ADARB2: variants seen among roughly 807,000 people sequenced by gnomAD.
The protein encoded by ADARB2 is inactive double-stranded RNA-specific editase B2.
In ADARB2, 25 loss-of-function variants were observed where a neutral mutation model predicts 62.2. The observed-to-expected ratio is 0.40, with a 90% CI of 0.29 to 0.56. The LOEUF is 0.56. ADARB2 is among the 20% of genes least tolerant of loss of function. The pLI, the probability that ADARB2 is intolerant of heterozygous loss-of-function variation, is 0.43. For synonymous variants in ADARB2, 572 were observed against 500.8 expected, an observed-to-expected ratio of 1.14 and a Z score of -1.90; for missense variants, 1,071 against 1,077.4, an observed-to-expected ratio of 0.99 and a Z score of 0.08.
chr10:1,597,574 T>G (rs992419012), intron 1 of ADARB2, among the ~76,000 whole-genome samples: 13 of 152,170 alleles, frequency 8.5e-5, no homozygotes, highest in African/African-American at 3.1e-4. Flanking sequence ...CAATGGGACA[T>G]CGTCTCACAC....
intron 1 of ADARB2, among the ~76,000 whole-genome samples, chr10:1,446,300 T>C (rs558955841): frequency 1.3e-5 from 1 of 79,720 alleles, no homozygotes; most frequent in Admixed American, 1.6e-4. Context: ...AAGAATTCTG[T>C]GAACTACCCA....
At chr10:1,636,546 TG>T (rs1023270222) in intron 1 of ADARB2, among the ~76,000 whole-genome samples, 6 of 151,798 alleles carry the variant, frequency 4.0e-5, no homozygotes, top group Non-Finnish European at 7.4e-5. Context: ...CTATGTAATG[TG>T]GGGGGAGGCT....
intron 1 of ADARB2, among the ~76,000 whole-genome samples, chr10:1,657,909 CTCTT>C (rs2119082023): frequency 6.6e-6 from 1 of 152,240 alleles, no homozygotes; most frequent in South Asian, 2.1e-4. Context: ...GTCTCTGTCT[CTCTT>C]TATCTGATTC....
intron 3 of ADARB2, among the ~76,000 whole-genome samples, chr10:1,280,019 T>C (rs1831356242): frequency 6.6e-6 from 1 of 152,082 alleles, no homozygotes; most frequent in African/African-American, 2.4e-5. Context: ...AAGAAGGATG[T>C]GAATTTGGGG....
In ADARB2 at chr10:1,222,671, G is replaced by C. The variant is rs1397956281; in HGVS notation, c.1514-5552C>G. Among the ~76,000 whole-genome samples, 3 of 149,224 alleles carry C rather than the reference G, an allele frequency of 2.0e-5. No homozygotes were observed. The East Asian group carries it at 5.8e-4, about 29-fold the overall frequency. On this transcript the variant is annotated intron_variant, in intron 6 of 9. Transcript: ENST00000381312. ...TTCCCAGCACCATTTATTAAATAGG[G>C]AATCCTTTCCCCATTGCTTGTTTTT...
At chr10:1,324,007 CAAAG>C (rs1420156693) in intron 3 of ADARB2, among the ~76,000 whole-genome samples, 4 of 152,186 alleles carry the variant, frequency 2.6e-5, no homozygotes, top group African/African-American at 9.7e-5. Flanking sequence ...ACTTGCCTGA[CAAAG>C]AACTAGTGTC....
chr10:1,599,198 C>T (rs549319428), intron 1 of ADARB2, among the ~76,000 whole-genome samples: 1 of 152,306 alleles, frequency 6.6e-6, no homozygotes, highest in South Asian at 2.1e-4. Flanking sequence ...CGTTGACTCG[C>T]TTGACAAAGA....
At chr10:1,589,487 A>C (rs573823591) in intron 1 of ADARB2, among the ~76,000 whole-genome samples, 17 of 151,666 alleles carry the variant, frequency 1.1e-4, no homozygotes, top group Non-Finnish European at 2.2e-4. Context: ...TGGGGCATCC[A>C]TGGTCAGGAC....
At chr10:1,203,886 G>C (rs1220878113) in intron 7 of ADARB2, among the ~76,000 whole-genome samples, 1 of 152,140 alleles carries the variant, frequency 6.6e-6, no homozygotes, top group Non-Finnish European at 1.5e-5. Context: ...TAGAAATGCA[G>C]ATTCCTGGCT....
chr10:1,427,285 T>TA lies in ADARB2; in HGVS notation c.101-48126_101-48125insT, dbSNP rs34676272. Among the ~76,000 whole-genome samples, 419 of 152,350 alleles carry TA rather than the reference T, an allele frequency of 2.8e-3. 1 individual carries two copies. The highest frequency in any genetic ancestry group is 4.8e-3 in the Non-Finnish European group (329 of 68,046). On this transcript the variant is annotated intron_variant, in intron 1 of 9. Coordinates refer to ENST00000381312, the MANE Select transcript of ADARB2 (RefSeq NM_018702.4). ...TGCAGAAGACTCTGTTAAGAGGGTA[T>TA]GAGAAGCTCAAGATTAAGATAAAGT...
At chr10:1,370,602 A>C (rs1397598028) in intron 2 of ADARB2, among the ~76,000 whole-genome samples, 1 of 152,258 alleles carries the variant, frequency 6.6e-6, no homozygotes, top group African/African-American at 2.4e-5. Flanking sequence ...GGCTTCAGTA[A>C]AGTTTCAGGA....
At chr10:1,454,657 G>T (rs987082183) in intron 1 of ADARB2, among the ~76,000 whole-genome samples, 2 of 152,068 alleles carry the variant, frequency 1.3e-5, no homozygotes, top group Non-Finnish European at 2.9e-5. Flanking sequence ...AGCAGAGGGT[G>T]GTTGCTGGGG....
chr10:1,442,035 T>C (rs1207275081), intron 1 of ADARB2, among the ~76,000 whole-genome samples: 1 of 152,204 alleles, frequency 6.6e-6, no homozygotes, highest in Non-Finnish European at 1.5e-5. Flanking sequence ...TGATAAAACA[T>C]CCTTGAAATA....
At chr10:1,430,045 T>C (rs1464723439) in intron 1 of ADARB2, among the ~76,000 whole-genome samples, 1 of 152,214 alleles carries the variant, frequency 6.6e-6, no homozygotes, top group African/African-American at 2.4e-5. Flanking sequence ...AGTATCCTTT[T>C]CCTCATGTGG....
intron 1 of ADARB2, among the ~76,000 whole-genome samples, chr10:1,707,979 A>T (rs918906357): frequency 6.6e-6 from 1 of 152,174 alleles, no homozygotes. Context: ...CAGAGTTGTT[A>T]ACATTCTACA....
chr10:1,695,583 C>A (rs540137267), intron 1 of ADARB2, among the ~76,000 whole-genome samples: 1 of 151,768 alleles, frequency 6.6e-6, no homozygotes, highest in Non-Finnish European at 1.5e-5. Flanking sequence ...ATGTGTAGGT[C>A]TGTGTGTGCA....
rs375643211 is a variant in ADARB2 at position 1,183,158 on chromosome 10, G to A, written c.*35C>T. On this transcript the variant is annotated 3_prime_UTR_variant, in exon 10 of 10. Transcript: ENST00000381312. ...CCAGACACGGTCCCATCCCTCCAGC[G>A]TCCCGCTCAGCTCCAGCAGCCAGGA... The A allele has an allele frequency of 4.2e-5, 68 of 1,605,870 alleles. No individual in the cohort carries two copies. The highest frequency in any genetic ancestry group is 6.7e-5 in the Admixed American group (4 of 59,856).
chr10:1,443,179 G>A (rs770032325), intron 1 of ADARB2, among the ~76,000 whole-genome samples: 1 of 152,118 alleles, frequency 6.6e-6, no homozygotes, highest in Non-Finnish European at 1.5e-5. Context: ...TAGGCCAAGG[G>A]GGAAAAACAC....
chr10:1,641,025 T>G (rs1321533723), intron 1 of ADARB2, among the ~76,000 whole-genome samples: 6 of 152,348 alleles, frequency 3.9e-5, no homozygotes, highest in Non-Finnish European at 8.8e-5. Context: ...AAAGTATTCA[T>G]TGTTTTGTCT....
Sources: gnomAD v4.1 joint callset for allele counts (sites outside exome capture counted in the v4.1 genomes callset) on GRCh38, gnomAD v4.1.1 for gene constraint, MANE v1.5 for transcripts, NCBI Gene and HGNC (gene_info 2026-07-23, HGNC 2026-07-21) for gene names.